The following ANKRD16 variants were observed in gnomAD, a reference collection of about 807,000 sequenced individuals.
The protein encoded by ANKRD16 is ankyrin repeat domain-containing protein 16.
Under a neutral mutation model 37.9 loss-of-function variants are expected in ANKRD16, and 35 were observed. The observed-to-expected ratio is 0.92, with a 90% confidence interval of 0.71 to 1.23. The LOEUF (loss-of-function observed/expected upper bound fraction) is 1.23, where lower values mean the gene tolerates loss of function less well. ANKRD16 is among the 50% of genes most tolerant of loss of function. The probability of loss-of-function intolerance (pLI) is 0.00; values close to 1 mark genes in which losing one functional copy is unlikely to be tolerated. For synonymous variants in ANKRD16, 206 were observed against 197.2 expected (o/e 1.04, Z -0.37); for missense variants, 480 against 469.9 (o/e 1.02, Z -0.20).
Position 5,868,627 on chromosome 10 carries a change from C to T in ANKRD16, c.*34-5936G>A, listed in dbSNP as rs1239513825. On this transcript the variant is annotated intron_variant, in intron 7 of 7. Transcript: ENST00000380094. This position sits in a 1 kb window ranked among gnomAD's most constrained non-coding sequence, Gnocchi z 4.9. ...GGACAAGTAAGGGAATAAAAGCTGG[C>T]CACCCCCAGCCAGCAGCGGCAACCC... Among the ~76,000 whole-genome samples, 1 of 152,170 alleles carries T rather than the reference C, an allele frequency of 6.6e-6. No homozygotes were observed. The highest frequency in any genetic ancestry group is 1.5e-5 in the Non-Finnish European group (1 of 68,030).
rs1299015480 is a variant in ANKRD16, at chr10:5,883,896, T to C, written c.687+73A>G. ...ATGGAACCTGGGATCTGAGTAACAA[T>C]GTGCTCTGCTTAACCTGTGACCTAA... On this transcript the variant is annotated intron_variant, in intron 4 of 7. Coordinates refer to ENST00000380094, the MANE Select transcript of ANKRD16 (RefSeq NM_019046.3). 1.4e-5 allele frequency: 19 copies of C among 1,329,392 alleles called. No individual in the cohort carries two copies. In the East Asian group the frequency reaches 3.8e-4, roughly 27 times the overall value. The allele number at this position is 1,329,392 out of a possible 1,614,324, so 82.3% of individuals were successfully genotyped here.
chr10:5,885,464 G>A (rs1257681685), intron 3 of ANKRD16, among the ~76,000 whole-genome samples: 1 of 152,044 alleles, frequency 6.6e-6, no homozygotes, highest in Non-Finnish European at 1.5e-5. Flanking sequence ...TTACAGGCGT[G>A]AGCCACCGAG....
In ANKRD16 at chr10:5,870,126, C is replaced by A. The variant is rs1381053074; in HGVS notation, c.*34-7435G>T. On this transcript the variant is annotated intron_variant, in intron 7 of 7. Coordinates refer to ENST00000380094, the MANE Select transcript of ANKRD16 (RefSeq NM_019046.3). The surrounding 1 kb of genome is among the most constrained non-coding windows in gnomAD (Gnocchi z 5.0). ...CTCTCAGCAATCTGTAAACTGTAAT[C>A]TGCTCCATTAAAAAAACCAAAACAT... is the stretch of plus-strand genomic sequence containing the variant. 2.6e-5 allele frequency among the ~76,000 whole-genome samples: 4 copies of A among 152,114 alleles called. No homozygotes were observed. The highest frequency in any genetic ancestry group is 9.7e-5 in the African/African-American group (4 of 41,418).
In ANKRD16 at chr10:5,868,298, G is replaced by A. The variant is rs572975937; in HGVS notation, c.*34-5607C>T. On this transcript the variant is annotated intron_variant, in intron 7 of 7. Coordinates refer to ENST00000380094, the MANE Select transcript of ANKRD16 (RefSeq NM_019046.3). This position sits in a 1 kb window ranked among gnomAD's most constrained non-coding sequence, Gnocchi z 4.9. ...TGGCCTAAAGAGTTCCCCTCTAGAG[G>A]ACACTACAACTGCAGGGACCCTTCT... is the stretch of plus-strand genomic sequence containing the variant. Among the ~76,000 whole-genome samples the A allele has an allele frequency of 3.7e-4, 56 of 152,154 alleles. No homozygotes were observed. The highest frequency in any genetic ancestry group is 7.1e-4 in the Non-Finnish European group (48 of 68,044).
rs536980120 is a variant in ANKRD16 at position 5,864,382 on chromosome 10, G to T, written c.*34-1691C>A. 6.6e-6 allele frequency among the ~76,000 whole-genome samples: 1 copy of T among 152,050 alleles called. No individual in the cohort carries two copies. The highest frequency in any genetic ancestry group is 1.5e-5 in the Non-Finnish European group (1 of 68,022). ...GGTTATGTCCTTTTCAAGCTGTATG[G>T]GGAGGGGAATTTGGCCCAACCCGGG... On this transcript the variant is annotated intron_variant, in intron 7 of 7. Coordinates refer to ENST00000380094, the MANE Select transcript of ANKRD16 (RefSeq NM_019046.3). This position sits in a 1 kb window ranked among gnomAD's most constrained non-coding sequence, Gnocchi z 4.4.
rs377752244 is a variant in ANKRD16 at position 5,868,392 on chromosome 10, C to T, written c.*34-5701G>A. On this transcript the variant is annotated intron_variant, in intron 7 of 7. Coordinates refer to ENST00000380094, the MANE Select transcript of ANKRD16 (RefSeq NM_019046.3). This position sits in a 1 kb window ranked among gnomAD's most constrained non-coding sequence, Gnocchi z 4.9. ...ATTCCCAGTAGCAGTTGGGGTGTTC[C>T]GTTTAGAGGGTGGGTTGAGAGGTGA... 8.5e-5 allele frequency among the ~76,000 whole-genome samples: 13 copies of T among 152,246 alleles called. No homozygotes were observed. Among genetic ancestry groups the T allele is most frequent in the South Asian group, 6.2e-4 (3 of 4,820 alleles).
Position 5,889,385 on chromosome 10 carries a change from G to A in ANKRD16, c.-31C>T, listed in dbSNP as rs192437556. 1,959 of 1,185,344 alleles carry A rather than the reference G, an allele frequency of 1.7e-3. 23 individuals carry two copies. The African/African-American group carries it at 0.028, about 17-fold the overall frequency. 73.4% of individuals were successfully genotyped at this position (1,185,344 alleles called of 1,614,324 possible). ...CGGGTCGGGCCGGGCTGCGCGGGGA[G>A]GCGGCGGGCGGGACACCGGCGGCCG... is the stretch of plus-strand genomic sequence containing the variant. On this transcript the variant is annotated 5_prime_UTR_variant, in exon 1 of 8. Transcript: ENST00000380094.
chr10:5,872,822 CT>C (rs1366871186), intron 7 of ANKRD16, among the ~76,000 whole-genome samples: 1 of 151,676 alleles, frequency 6.6e-6, no homozygotes, highest in Non-Finnish European at 1.5e-5. Context: ...TCCCAAAGTG[CT>C]GGCATTACAG....
At position 5,871,392 on chromosome 10, in the gene ANKRD16, AATAAAT is replaced by A; in HGVS notation, c.*33+6699_*33+6704del. On this transcript the variant is annotated intron_variant, in intron 7 of 7. Coordinates refer to ENST00000380094, the MANE Select transcript of ANKRD16 (RefSeq NM_019046.3). This position sits in a 1 kb window ranked among gnomAD's most constrained non-coding sequence, Gnocchi z 4.5. Reference sequence around the variant, plus strand: ...ACAGAGCTAGACTCCAACTCAAATAAATAAATAAATAAATAAATAAATAAATAAATA... The same window carrying A: ...ACAGAGCTAGACTCCAACTCAAATAAAAATAAATAAATAAATAAATAAATA... 1.5e-5 allele frequency among the ~76,000 whole-genome samples: 1 copy of A among 64,892 alleles called. No homozygotes were observed. Among genetic ancestry groups the A allele is most frequent in the East Asian group, 2.6e-3 (1 of 382 alleles). The allele number at this position is 64,892 out of a possible 152,430, so 42.6% of individuals were successfully genotyped here.
chr10:5,886,575 A>G (rs933301129), intron 2 of ANKRD16, among the ~76,000 whole-genome samples: 3 of 143,384 alleles, frequency 2.1e-5, no homozygotes, highest in Non-Finnish European at 1.5e-5. Context: ...TGGGTGACAG[A>G]GCAAGACTCT....
rs956753612 is a variant in ANKRD16, at chr10:5,878,440, T to C, written c.929-153A>G. On this transcript the variant is annotated intron_variant, in intron 6 of 7. Coordinates refer to ENST00000380094, the MANE Select transcript of ANKRD16 (RefSeq NM_019046.3). This position sits in a 1 kb window ranked among gnomAD's most constrained non-coding sequence, Gnocchi z 5.1. ...TCACCTATACTAGATCAAAATATTT[T>C]TGTTTCTAACCTGATTGGGTTGAAA... is the stretch of plus-strand genomic sequence containing the variant. Among the ~76,000 whole-genome samples the C allele has an allele frequency of 2.6e-5, 4 of 152,144 alleles. No homozygotes were observed. The highest frequency in any genetic ancestry group is 4.4e-5 in the Non-Finnish European group (3 of 68,030).
At chr10:5,880,455 G>A in intron 5 of ANKRD16, 79 bp from the exon 6 acceptor site, 3 of 794,450 alleles carry the variant, frequency 3.8e-6, no homozygotes, top group Admixed American at 3.0e-5. Context: ...TCTGAGACAG[G>A]TCTCAATCAA....
intron 5 of ANKRD16, chr10:5,881,090 C>A (rs573096694): frequency 3.4e-6 from 3 of 884,064 alleles, no homozygotes; most frequent in Admixed American, 6.2e-5. Flanking sequence ...TGAGCCACTG[C>A]GCCCAGCCAA....
intron 2 of ANKRD16, among the ~76,000 whole-genome samples, chr10:5,887,241 C>G (rs554015122): frequency 4.6e-5 from 7 of 152,190 alleles, no homozygotes; most frequent in Non-Finnish European, 1.0e-4. Context: ...CTATGTGCTA[C>G]AGAACCAGCT....
rs1404467169 is a variant in ANKRD16 at position 5,885,756 on chromosome 10, C to T, written c.545G>A (p.Gly182Asp). 6.2e-7 allele frequency: 1 copy of T among 1,604,254 alleles called. No individual in the cohort carries two copies. ...AAGCACCTTGACTGCCTCCAAATGG[C>T]CATGCATTGCTGGGAGGAGAAAGAA... is the stretch of plus-strand genomic sequence containing the variant. ...RTPLHTAAMH[G>D]HLEAVKVLLK... Residue 182 changes from glycine (G) to aspartate (D), a missense_variant, in exon 3 of 8, where the codon GGC becomes GAC. By Grantham distance (94) the Gly-to-Asp change is moderately conservative. Coordinates refer to ENST00000380094, the MANE Select transcript of ANKRD16 (RefSeq NM_019046.3).
chr10:5,867,729 C>T (rs1365270241), intron 7 of ANKRD16, among the ~76,000 whole-genome samples: 1 of 152,168 alleles, frequency 6.6e-6, no homozygotes, highest in East Asian at 1.9e-4. Context: ...GCCACTGCTA[C>T]AGGAACCGGA....
At position 5,871,418 on chromosome 10, in the gene ANKRD16, TAAATAAATATCA is replaced by T. The variant is rs1842088778; in HGVS notation, c.*33+6667_*33+6678del. On this transcript the variant is annotated intron_variant, in intron 7 of 7. Coordinates refer to ENST00000380094, the MANE Select transcript of ANKRD16 (RefSeq NM_019046.3). This position sits in a 1 kb window ranked among gnomAD's most constrained non-coding sequence, Gnocchi z 4.5. ...ATAAATAAATAAATAAATAAATAAA[TAAATAAATATCA>T]CACCACATCACTCTTTCCAACTGAA... 6.6e-6 allele frequency among the ~76,000 whole-genome samples: 1 copy of T among 151,322 alleles called. No homozygotes were observed. The highest frequency in any genetic ancestry group is 1.5e-5 in the Non-Finnish European group (1 of 67,832).
At chr10:5,885,572 A>G (rs1842409104) in intron 3 of ANKRD16, 151 bp downstream of exon 3, 3 of 710,368 alleles carry the variant, frequency 4.2e-6, no homozygotes, top group Non-Finnish European at 6.8e-6. Flanking sequence ...TTTTTGTTTC[A>G]TATTCTTTAT....
In ANKRD16 at chr10:5,863,169, A is replaced by C. The variant is rs1299387332; in HGVS notation, c.*34-478T>G. On this transcript the variant is annotated intron_variant, in intron 7 of 7. Coordinates refer to ENST00000380094, the MANE Select transcript of ANKRD16 (RefSeq NM_019046.3). This position sits in a 1 kb window ranked among gnomAD's most constrained non-coding sequence, Gnocchi z 4.7. ...AGCATTACTGTGGAACTTGGGAGAC[A>C]TGCAGATCCCACAGGAGAGGGAAGG... is the stretch of plus-strand genomic sequence containing the variant. 6.6e-6 allele frequency among the ~76,000 whole-genome samples: 1 copy of C among 152,068 alleles called. No individual in the cohort carries two copies. The highest frequency in any genetic ancestry group is 1.5e-5 in the Non-Finnish European group (1 of 68,012).
Sources: gnomAD v4.1 joint callset for allele counts (sites outside exome capture counted in the v4.1 genomes callset) on GRCh38, gnomAD v4.1.1 for gene constraint, Gnocchi (gnomAD v3.1) non-coding constraint, MANE v1.5 for transcripts, NCBI Gene and HGNC (gene_info 2026-07-23, HGNC 2026-07-21) for gene names.